Variants in NPAS3 observed in about 807,000 individuals in gnomAD.
NPAS3 encodes neuronal PAS domain protein 3, also known as neuronal PAS domain-containing protein 3.
Under a neutral mutation model 73.1 loss-of-function variants are expected in NPAS3, and 14 were observed. That is an observed-to-expected ratio of 0.19 (90% CI 0.13 to 0.30). The LOEUF (loss-of-function observed/expected upper bound fraction) is 0.30. Among genes scored for constraint, NPAS3 ranks in the 10% least tolerant of loss-of-function variants. The pLI, the probability that NPAS3 is intolerant of heterozygous loss-of-function variation, is 1.00. For synonymous variants in NPAS3, 620 were observed against 541.5 expected (o/e 1.14, Z -2.01); for missense variants, 1,096 against 1,250.0 (o/e 0.88, Z 1.86).
intron 6 of NPAS3, among the ~76,000 whole-genome samples, chr14:33,718,640 TCA>T (rs142191250): frequency 0.31 from 47,245 of 151,978 alleles, 9,514 homozygotes; most frequent in Non-Finnish European, 0.46. Context: ...TGATATGGTA[TCA>T]CAGTGCCAGG....
intron 4 of NPAS3, among the ~76,000 whole-genome samples, chr14:33,452,114 C>CA (rs2049817940): frequency 6.6e-6 from 1 of 152,144 alleles, no homozygotes; most frequent in South Asian, 2.1e-4. Context: ...AAGCTGGAGT[C>CA]AAAATCTATA....
intron 4 of NPAS3, among the ~76,000 whole-genome samples, chr14:33,466,779 C>G (rs1178743215): frequency 6.6e-6 from 1 of 151,976 alleles, no homozygotes; most frequent in Non-Finnish European, 1.5e-5. Context: ...CCAGATCTTC[C>G]AAGAACTCAC....
At chr14:33,587,626 C>T (rs1040833666) in intron 5 of NPAS3, among the ~76,000 whole-genome samples, 1 of 152,196 alleles carries the variant, frequency 6.6e-6, no homozygotes, top group Non-Finnish European at 1.5e-5. Context: ...ATCAAAGAAA[C>T]TCTGGTTTAT....
chr14:33,682,898 T>TCCCAGAAGGCACAGCTGCAACCCCAG (rs2059978887), intron 6 of NPAS3, among the ~76,000 whole-genome samples: 1 of 152,164 alleles, frequency 6.6e-6, no homozygotes, highest in Non-Finnish European at 1.5e-5. Flanking sequence ...CTAGGCCAGC[T>TCCCAGAAGGCACAGCTGCAACCCCAG]CCCAGAAGGC....
intron 6 of NPAS3, among the ~76,000 whole-genome samples, chr14:33,689,856 T>TA (rs1268831522): frequency 1.4e-4 from 22 of 152,286 alleles, no homozygotes; most frequent in Middle Eastern, 3.4e-3. Flanking sequence ...ATACACCTGC[T>TA]GACTTCCCTT....
intron 3 of NPAS3, among the ~76,000 whole-genome samples, chr14:33,238,368 A>T (rs1432348697): frequency 6.6e-6 from 1 of 152,046 alleles, no homozygotes; most frequent in African/African-American, 2.4e-5. Flanking sequence ...TGTTCTTTAC[A>T]ATTAGTTGGT....
chr14:33,761,760 C>T (rs1340924099), intron 7 of NPAS3, among the ~76,000 whole-genome samples: 5 of 152,082 alleles, frequency 3.3e-5, no homozygotes, highest in Non-Finnish European at 5.9e-5. Flanking sequence ...TTTGTTCTTA[C>T]GTTCGAGGGA....
intron 6 of NPAS3, among the ~76,000 whole-genome samples, chr14:33,701,360 G>A (rs1480353739): frequency 6.6e-6 from 1 of 152,188 alleles, no homozygotes; most frequent in East Asian, 1.9e-4. Context: ...CCTTATTAAA[G>A]CATAGATTGT....
chr14:33,145,782 A>T (rs2139205157), intron 2 of NPAS3, among the ~76,000 whole-genome samples: 1 of 151,920 alleles, frequency 6.6e-6, no homozygotes, highest in East Asian at 1.9e-4. Flanking sequence ...TGTCTTTGCA[A>T]CTCTCCTAAT....
intron 3 of NPAS3, among the ~76,000 whole-genome samples, chr14:33,248,801 A>G (rs1403910796): frequency 6.6e-6 from 1 of 152,242 alleles, no homozygotes; most frequent in Admixed American, 6.5e-5. Flanking sequence ...AGATGCTGTG[A>G]AAACCTAAGT....
upstream of NPAS3, chr14:32,939,241 C>T: frequency 1.7e-6 from 1 of 600,892 alleles, no homozygotes; most frequent in South Asian, 1.6e-5. Context: ...ACACGCACAC[C>T]CCCGCCCGCC....
At chr14:33,189,091 G>A (rs1226135280) in intron 2 of NPAS3, among the ~76,000 whole-genome samples, 2 of 152,090 alleles carry the variant, frequency 1.3e-5, no homozygotes, top group Non-Finnish European at 2.9e-5. Context: ...TTTCCAATTG[G>A]CTACACTTAT....
chr14:33,766,725 T>C lies in NPAS3; in HGVS notation c.853-7612T>C, dbSNP rs35035753. 7.4e-4 allele frequency among the ~76,000 whole-genome samples: 112 copies of C among 152,144 alleles called. 4 individuals are homozygous for C. In the South Asian group the frequency reaches 0.022, roughly 30 times the overall value. ...TCCCAAAAAGACCCCTACCATCCAC[T>C]TACTTCCTGAGTTGATAGCCATCTC... On this transcript the variant is annotated intron_variant, in intron 7 of 11. Transcript: ENST00000356141.
Position 33,800,875 on chromosome 14 carries a change from T to A in NPAS3, c.2568T>A (p.Val856=), listed in dbSNP as rs1233823747. Reference sequence around the variant, plus strand: ...CGCACGCTGTTAACTTCGTGGACGTTAACAGCCCCGGCTTTGGCCTCGACC... The same window carrying A: ...CGCACGCTGTTAACTTCGTGGACGTAAACAGCCCCGGCTTTGGCCTCGACC... The change falls in exon 12 of 12, where the codon GTT becomes GTA. Residue 856 remains valine, a synonymous_variant. Coordinates refer to ENST00000356141, the Ensembl canonical transcript of NPAS3. The surrounding 1 kb of genome is among the most constrained non-coding windows in gnomAD (Gnocchi z 6.5). 6.2e-7 allele frequency: 1 copy of A among 1,606,430 alleles called. No homozygotes were observed. Among genetic ancestry groups the A allele is most frequent in the Non-Finnish European group, 8.5e-7 (1 of 1,176,994 alleles).
At chr14:33,328,852 T>C (rs2043844397) in intron 3 of NPAS3, among the ~76,000 whole-genome samples, 1 of 152,228 alleles carries the variant, frequency 6.6e-6, no homozygotes, top group Admixed American at 6.5e-5. Context: ...GATATATATT[T>C]CGCTTTATGG....
intron 5 of NPAS3, among the ~76,000 whole-genome samples, chr14:33,606,369 C>T (rs544374900): frequency 2.0e-5 from 3 of 151,800 alleles, no homozygotes; most frequent in Admixed American, 2.0e-4. Flanking sequence ...TGATGATTTC[C>T]AATTTCATCC....
intron 6 of NPAS3, among the ~76,000 whole-genome samples, chr14:33,730,810 G>A (rs918167464): frequency 1.4e-4 from 22 of 152,210 alleles, no homozygotes; most frequent in Admixed American, 9.2e-4. Flanking sequence ...GCTTTATCAA[G>A]ATCATTGCAA....
chr14:33,691,680 T>G (rs2060239410), intron 6 of NPAS3, among the ~76,000 whole-genome samples: 1 of 152,222 alleles, frequency 6.6e-6, no homozygotes, highest in South Asian at 2.1e-4. Flanking sequence ...TTAATTCTTA[T>G]GTCTTTCATT....
chr14:33,728,810 A>G (rs544216084), intron 6 of NPAS3, among the ~76,000 whole-genome samples: 4 of 152,320 alleles, frequency 2.6e-5, no homozygotes, highest in Non-Finnish European at 5.9e-5. Flanking sequence ...CTGGCCTAGA[A>G]CTCTCAAAAG....
Sources: gnomAD v4.1 joint callset for allele counts (sites outside exome capture counted in the v4.1 genomes callset) on GRCh38, gnomAD v4.1.1 for gene constraint, Gnocchi (gnomAD v3.1) non-coding constraint, MANE v1.5 for transcripts, NCBI Gene and HGNC (gene_info 2026-07-23, HGNC 2026-07-21) for gene names.